SMAD5: variants seen among roughly 807,000 people sequenced by gnomAD.
SMAD5 encodes SMAD family member 5.
In SMAD5, 9 loss-of-function variants were observed where a neutral mutation model predicts 43.1. The observed-to-expected ratio is 0.21, with a 90% CI of 0.13 to 0.36. The LOEUF is 0.36. Among genes scored for constraint, SMAD5 ranks in the 10% least tolerant of loss-of-function variants. SMAD5 has a pLI of 1.00. For missense variants in SMAD5, 348 were observed against 574.0 expected, an observed-to-expected ratio of 0.61 and a Z score of 4.02; for synonymous variants, 190 against 192.4, an observed-to-expected ratio of 0.99 and a Z score of 0.10.
chr5:136,152,490 A>T (rs1753504494), intron 2 of SMAD5, among the ~76,000 whole-genome samples: 1 of 152,160 alleles, frequency 6.6e-6, no homozygotes, highest in Non-Finnish European at 1.5e-5. Flanking sequence ...AATAATATTG[A>T]TGCTAGAATT....
intron 3 of SMAD5, 87 bp from the exon 4 acceptor site, chr5:136,160,769 C>T: frequency 7.6e-7 from 1 of 1,323,944 alleles, no homozygotes; most frequent in South Asian, 1.3e-5. Context: ...TACAGTCTTA[C>T]ATGAATCCTT....
chr5:136,166,260 T>C (rs558354392), intron 5 of SMAD5, among the ~76,000 whole-genome samples: 41 of 152,140 alleles, frequency 2.7e-4, no homozygotes, highest in African/African-American at 9.4e-4. Context: ...GACCTTAACC[T>C]CCTTAGTTTG....
In SMAD5 at chr5:136,153,656, T is replaced by C. The variant is rs770366577; in HGVS notation, c.-105T>C. The C allele has an allele frequency of 4.6e-6, 4 of 877,832 alleles. No homozygotes were observed. The African/African-American group carries it at 6.8e-5, about 15-fold the overall frequency. 54.4% of individuals were successfully genotyped at this position (877,832 alleles called of 1,614,324 possible). On this transcript the variant is annotated 5_prime_UTR_variant, in exon 3 of 8. Coordinates refer to ENST00000545279, the MANE Select transcript of SMAD5 (RefSeq NM_005903.7). ...ATAAATGTTACTCCTCCCTTTTTAA[T>C]TGGAACTTCTGCTTAGGACCTGTGT... is the stretch of plus-strand genomic sequence containing the variant.
chr5:136,144,738 G>C (rs1209899554), intron 1 of SMAD5, among the ~76,000 whole-genome samples: 1 of 151,786 alleles, frequency 6.6e-6, no homozygotes, highest in Non-Finnish European at 1.5e-5. Flanking sequence ...AGATTGTCTA[G>C]GGCATTATTT....
chr5:136,174,568 A>G lies in SMAD5; in HGVS notation c.1190A>G (p.Asn397Ser), dbSNP rs768324385. Residue 397 changes from asparagine to serine, a missense_variant, in exon 7 of 8, where the codon AAC (asparagine) becomes AGC (serine). Physicochemically the swap from Asn to Ser is conservative, Grantham distance 46 (BLOSUM62 1). This residue lies in a region of SMAD5 where 97 missense variants were observed against 211.8 expected (regional missense o/e 0.46). Transcript: ENST00000545279. ...GCTCAGCTTCTGGCTCAATCTGTCA[A>G]CCATGGGTTTGAGGCAGTATATGAG... The part of the protein sequence containing the change: ...EFAQLLAQSV[N>S]HGFEAVYELT... The G allele has an allele frequency of 5.2e-5, 84 of 1,613,532 alleles. No homozygotes were observed. Among genetic ancestry groups the G allele is most frequent in the Admixed American group, 8.3e-5 (5 of 60,002 alleles).
chr5:136,168,401 G>T (rs1443143098), intron 5 of SMAD5, among the ~76,000 whole-genome samples: 1 of 134,418 alleles, frequency 7.4e-6, no homozygotes, highest in Admixed American at 7.3e-5. Context: ...TAGTTGTTTT[G>T]TTTTTTTGTT....
At chr5:136,166,947 T>C (rs1455436298) in intron 5 of SMAD5, among the ~76,000 whole-genome samples, 1 of 152,204 alleles carries the variant, frequency 6.6e-6, no homozygotes, top group African/African-American at 2.4e-5. Context: ...TTTCTCACCT[T>C]TGTAGATACC....
intron 2 of SMAD5, among the ~76,000 whole-genome samples, chr5:136,148,257 C>CT (rs201776499): frequency 3.3e-5 from 5 of 150,414 alleles, no homozygotes; most frequent in African/African-American, 9.8e-5. Flanking sequence ...TTAAGTTGTT[C>CT]TTTTTTTTGC....
chr5:136,150,088 C>G (rs1316972532), intron 2 of SMAD5, among the ~76,000 whole-genome samples: 1 of 151,816 alleles, frequency 6.6e-6, no homozygotes, highest in Non-Finnish European at 1.5e-5. Flanking sequence ...TCAGGAAACT[C>G]TTTCCTAACA....
chr5:136,177,215 C>T, intron 7 of SMAD5, 122 bp from the exon 8 acceptor site: 1 of 759,786 alleles, frequency 1.3e-6, no homozygotes. Flanking sequence ...GATAGTTATT[C>T]TCTTTATGTA....
chr5:136,170,788 A>G (rs77214814), intron 5 of SMAD5, among the ~76,000 whole-genome samples: 4,635 of 151,982 alleles, frequency 0.03, 100 homozygotes, highest in African/African-American at 0.059. Flanking sequence ...GCATGTTCCT[A>G]TTTTTTTATA....
rs60190966 is a variant in SMAD5, at chr5:136,156,906, C to T, written c.403+2743C>T. ...AGAGACCTCATGTTTCGCCCTGAGCCCAAACTCTTGGGGGAAGGGGCAGAT... is the reference window on the plus strand; with the variant it reads ...AGAGACCTCATGTTTCGCCCTGAGCTCAAACTCTTGGGGGAAGGGGCAGAT... On this transcript the variant is annotated intron_variant, in intron 3 of 7. Coordinates refer to ENST00000545279, the MANE Select transcript of SMAD5 (RefSeq NM_005903.7). Among the ~76,000 whole-genome samples the T allele has an allele frequency of 1.8e-3, 272 of 152,148 alleles. 1 individual carries two copies. The highest frequency in any genetic ancestry group is 6.4e-3 in the African/African-American group (265 of 41,500).
intron 4 of SMAD5, among the ~76,000 whole-genome samples, chr5:136,162,100 A>G (rs1039377115): frequency 3.9e-5 from 6 of 152,174 alleles, no homozygotes; most frequent in African/African-American, 4.8e-5. Context: ...CATTCCAGCA[A>G]CTCAGGGCAC....
intron 1 of SMAD5, chr5:136,134,214 A>G (rs1022071950): frequency 5.9e-5 from 9 of 152,628 alleles, no homozygotes; most frequent in East Asian, 3.8e-4. Flanking sequence ...GTTATCTAGC[A>G]GCAAAGATTG....
chr5:136,173,477 G>A (rs1754295369), intron 6 of SMAD5, among the ~76,000 whole-genome samples: 2 of 152,042 alleles, frequency 1.3e-5, no homozygotes, highest in East Asian at 1.9e-4. Context: ...AAAATCCTGC[G>A]GCCAAAAATA....
chr5:136,156,835 C>G (rs17749497), intron 3 of SMAD5, among the ~76,000 whole-genome samples: 2 of 152,082 alleles, frequency 1.3e-5, no homozygotes, highest in African/African-American at 2.4e-5. Context: ...TTTTAAATAA[C>G]GGAAAATTTC....
At chr5:136,152,874 G>A (rs1057076043) in intron 2 of SMAD5, 2 of 152,070 alleles carry the variant, frequency 1.3e-5, no homozygotes, top group African/African-American at 2.4e-5. Context: ...CCTGGAGCAA[G>A]CTCATTAACC....
At chr5:136,177,128 A>G (rs1754447632) in intron 7 of SMAD5, among the ~76,000 whole-genome samples, 1 of 152,200 alleles carries the variant, frequency 6.6e-6, no homozygotes, top group Non-Finnish European at 1.5e-5. Context: ...ATTATATATT[A>G]TTTTAGAATT....
At chr5:136,161,254 C>G in intron 4 of SMAD5, 147 bp downstream of exon 4, 1 of 763,138 alleles carries the variant, frequency 1.3e-6, no homozygotes, top group Non-Finnish European at 2.1e-6. Flanking sequence ...TGTTTGATTT[C>G]CAGAAGAGTT....
Sources: allele counts gnomAD v4.1 joint callset (sites outside exome capture counted in the v4.1 genomes callset), GRCh38; gene constraint gnomAD v4.1.1; regional missense constraint gnomAD v4.1.1; transcripts MANE v1.5; gene names NCBI Gene and HGNC (gene_info 2026-07-23, HGNC 2026-07-21).